The following SNTB1 variants were observed in gnomAD, a reference collection of about 807,000 sequenced individuals.
SNTB1 encodes the protein beta-1-syntrophin.
In SNTB1, 36 loss-of-function variants were observed where a neutral mutation model predicts 48.9. The ratio of observed to expected loss-of-function variants is 0.74; its 90% CI spans 0.56 to 0.97. SNTB1 has a LOEUF of 0.97. Ranked by LOEUF, SNTB1 falls within the 50% of genes least tolerant of loss-of-function variation. SNTB1 has a pLI of 0.00. For synonymous variants in SNTB1, 299 were observed against 294.6 expected (o/e 1.01, Z -0.15); for missense variants, 786 against 703.4 (o/e 1.12, Z -1.33).
chr8:120,611,700 T>C (rs1816626056), intron 3 of SNTB1, among the ~76,000 whole-genome samples: 2 of 151,696 alleles, frequency 1.3e-5, no homozygotes, highest in South Asian at 2.1e-4. Flanking sequence ...CGGGTGCCTG[T>C]AGTCCCAGCT....
At chr8:120,552,307 T>C (rs565649628) in intron 4 of SNTB1, among the ~76,000 whole-genome samples, 36 of 152,292 alleles carry the variant, frequency 2.4e-4, no homozygotes, top group African/African-American at 8.2e-4. Context: ...AGCTGACCAA[T>C]ACCCTGAACA....
intron 3 of SNTB1, among the ~76,000 whole-genome samples, chr8:120,629,294 T>C (rs985482876): frequency 3.3e-5 from 5 of 152,140 alleles, no homozygotes; most frequent in African/African-American, 1.2e-4. Flanking sequence ...GTTTTAGGAT[T>C]TGCACTAAAT....
intron 2 of SNTB1, chr8:120,654,860 A>G: frequency 4.9e-6 from 2 of 405,226 alleles, no homozygotes; most frequent in South Asian, 3.6e-5. Context: ...ACAACCTGAC[A>G]ACAAAAGTTT....
intron 3 of SNTB1, among the ~76,000 whole-genome samples, chr8:120,626,224 G>T (rs13249054): frequency 0.82 from 124,829 of 151,618 alleles, 51,628 homozygotes; most frequent in Middle Eastern, 0.93. Flanking sequence ...TATATATATA[G>T]AGAGAGAGAG....
At chr8:120,580,835 A>C (rs1281280403) in intron 3 of SNTB1, among the ~76,000 whole-genome samples, 1 of 152,200 alleles carries the variant, frequency 6.6e-6, no homozygotes, top group Non-Finnish European at 1.5e-5. Flanking sequence ...CCACAGGCAC[A>C]TAGGGACAGG....
At chr8:120,685,061 TC>T (rs1243438467) in intron 2 of SNTB1, among the ~76,000 whole-genome samples, 1 of 152,236 alleles carries the variant, frequency 6.6e-6, no homozygotes, top group Non-Finnish European at 1.5e-5. Flanking sequence ...GTAGCCCTGC[TC>T]TTCATGGCTT....
At chr8:120,804,098 A>G (rs1820282355) in intron 1 of SNTB1, among the ~76,000 whole-genome samples, 1 of 152,092 alleles carries the variant, frequency 6.6e-6, no homozygotes, top group Admixed American at 6.5e-5. Context: ...GTTTACCACC[A>G]CAGTCCAGTA....
At chr8:120,788,468 C>A (rs969037350) in intron 1 of SNTB1, among the ~76,000 whole-genome samples, 2 of 151,928 alleles carry the variant, frequency 1.3e-5, no homozygotes, top group African/African-American at 4.8e-5. Context: ...AATCATAAAC[C>A]AAATATCTGC....
chr8:120,694,397 C>T (rs766843949), intron 1 of SNTB1, among the ~76,000 whole-genome samples: 21 of 151,970 alleles, frequency 1.4e-4, no homozygotes, highest in Non-Finnish European at 2.5e-4. Context: ...TATATAAGAA[C>T]ACATTTTGTA....
intron 2 of SNTB1, among the ~76,000 whole-genome samples, chr8:120,692,742 C>G (rs554321418): frequency 1.3e-5 from 2 of 152,258 alleles, no homozygotes; most frequent in East Asian, 1.9e-4. Flanking sequence ...TAAAGCAACT[C>G]TCATCTAACC....
intron 2 of SNTB1, among the ~76,000 whole-genome samples, chr8:120,652,220 T>C (rs912540792): frequency 1.3e-4 from 20 of 152,206 alleles, no homozygotes; most frequent in African/African-American, 4.6e-4. Context: ...TTCCATACCC[T>C]GCTTTTCTGG....
chr8:120,744,410 T>C (rs898143225), intron 1 of SNTB1, among the ~76,000 whole-genome samples: 1 of 152,118 alleles, frequency 6.6e-6, no homozygotes, highest in South Asian at 2.1e-4. Flanking sequence ...AAAACAATCA[T>C]TTGTCTTAGC....
intron 1 of SNTB1, among the ~76,000 whole-genome samples, chr8:120,703,591 A>G (rs1234792207): frequency 1.3e-5 from 2 of 152,230 alleles, no homozygotes; most frequent in Non-Finnish European, 2.9e-5. Context: ...GAGGTAGGCA[A>G]GATTTTTCCT....
intron 1 of SNTB1, among the ~76,000 whole-genome samples, chr8:120,809,474 T>C (rs1310288394): frequency 6.6e-6 from 1 of 152,230 alleles, no homozygotes; most frequent in Non-Finnish European, 1.5e-5. Flanking sequence ...TATTTTCAAT[T>C]GCAGAGAAAT....
chr8:120,685,523 G>A (rs939935976), intron 2 of SNTB1, among the ~76,000 whole-genome samples: 5 of 152,194 alleles, frequency 3.3e-5, no homozygotes, highest in Non-Finnish European at 7.3e-5. Flanking sequence ...CATAACACAA[G>A]GCACAGAGCA....
chr8:120,736,260 T>C (rs1285907717), intron 1 of SNTB1, among the ~76,000 whole-genome samples: 3 of 152,128 alleles, frequency 2.0e-5, no homozygotes, highest in Non-Finnish European at 4.4e-5. Flanking sequence ...GGATTACCAT[T>C]CAAGATGCGA....
intron 2 of SNTB1, among the ~76,000 whole-genome samples, chr8:120,667,898 C>T (rs1817700201): frequency 6.6e-6 from 1 of 152,104 alleles, no homozygotes; most frequent in Non-Finnish European, 1.5e-5. Context: ...CCCAATGTCC[C>T]ATGAATCATG....
intron 2 of SNTB1, among the ~76,000 whole-genome samples, chr8:120,684,465 T>C (rs544563972): frequency 6.6e-6 from 1 of 152,164 alleles, no homozygotes; most frequent in East Asian, 1.9e-4. Context: ...CACATGTAAG[T>C]GAGACTCAAA....
chr8:120,654,334 G>A (rs370206845), intron 2 of SNTB1, among the ~76,000 whole-genome samples: 3 of 152,080 alleles, frequency 2.0e-5, no homozygotes, highest in Non-Finnish European at 2.9e-5. Context: ...ATAAAGTCAG[G>A]ATGGCTGATT....
Sources: gnomAD v4.1 joint callset for allele counts (sites outside exome capture counted in the v4.1 genomes callset) on GRCh38, gnomAD v4.1.1 for gene constraint, MANE v1.5 for transcripts, NCBI Gene and HGNC (gene_info 2026-07-23, HGNC 2026-07-21) for gene names.